Variants in IMMP2L observed in about 807,000 individuals in gnomAD.
The protein encoded by IMMP2L is inner mitochondrial membrane peptidase subunit 2, also known as mitochondrial inner membrane protease subunit 2.
In IMMP2L, 18 loss-of-function variants were observed where a neutral mutation model predicts 19.3. The observed-to-expected ratio is 0.93, with a 90% CI of 0.64 to 1.38. IMMP2L has a LOEUF of 1.38. Among genes scored for constraint, IMMP2L ranks in the 40% most tolerant of loss-of-function variants. The pLI, the probability that IMMP2L is intolerant of heterozygous loss-of-function variation, is 0.00. For missense variants in IMMP2L, 233 were observed against 218.2 expected (o/e 1.07, Z -0.43); for synonymous variants, 76 against 73.0 (o/e 1.04, Z -0.21).
At chr7:111,263,607 T>C (rs1817545189) in intron 3 of IMMP2L, among the ~76,000 whole-genome samples, 1 of 152,022 alleles carries the variant, frequency 6.6e-6, no homozygotes, top group African/African-American at 2.4e-5. Flanking sequence ...GACAGATAAA[T>C]TTGGGAGTCA....
chr7:111,258,542 T>A (rs1192229917), intron 3 of IMMP2L, among the ~76,000 whole-genome samples: 1 of 152,164 alleles, frequency 6.6e-6, no homozygotes, highest in Non-Finnish European at 1.5e-5. Context: ...AATCTTGCTC[T>A]GTCGCCCAGG....
At chr7:111,460,320 TG>T (rs538412144) in intron 3 of IMMP2L, among the ~76,000 whole-genome samples, 100 of 152,272 alleles carry the variant, frequency 6.6e-4, no homozygotes, top group African/African-American at 2.3e-3. Flanking sequence ...CAAATACAGC[TG>T]AACACATTGA....
intron 5 of IMMP2L, among the ~76,000 whole-genome samples, chr7:110,884,910 T>C (rs1391036718): frequency 1.3e-5 from 2 of 152,166 alleles, no homozygotes; most frequent in Admixed American, 6.6e-5. Flanking sequence ...CACACAATTA[T>C]ATATGCTTAT....
chr7:111,007,903 T>C (rs1037203313), intron 3 of IMMP2L, among the ~76,000 whole-genome samples: 17 of 152,230 alleles, frequency 1.1e-4, no homozygotes, highest in Non-Finnish European at 2.2e-4. Context: ...CTTCTAACTC[T>C]TCCCAAATGC....
chr7:111,361,410 C>A (rs1041235680), intron 3 of IMMP2L, among the ~76,000 whole-genome samples: 1 of 152,060 alleles, frequency 6.6e-6, no homozygotes, highest in Non-Finnish European at 1.5e-5. Flanking sequence ...TAATTATATA[C>A]ACTTACTAAT....
chr7:110,862,676 T>C (rs1169490564), intron 5 of IMMP2L, among the ~76,000 whole-genome samples: 1 of 151,956 alleles, frequency 6.6e-6, no homozygotes, highest in African/African-American at 2.4e-5. Context: ...TAAATTTACT[T>C]TTGCATTCTC....
chr7:111,007,573 C>T (rs990214628), intron 3 of IMMP2L, among the ~76,000 whole-genome samples: 2 of 152,074 alleles, frequency 1.3e-5, no homozygotes, highest in African/African-American at 4.8e-5. Flanking sequence ...AGGGCTCAGA[C>T]CTCACACTTT....
chr7:110,918,525 G>A (rs945212487), intron 4 of IMMP2L, among the ~76,000 whole-genome samples: 6 of 146,520 alleles, frequency 4.1e-5, no homozygotes, highest in South Asian at 2.1e-4. Context: ...GCGCGATCTC[G>A]GCTCACTGCA....
At chr7:110,993,660 C>T (rs1053763407) in intron 3 of IMMP2L, among the ~76,000 whole-genome samples, 13 of 152,002 alleles carry the variant, frequency 8.6e-5, no homozygotes, top group South Asian at 2.1e-4. Flanking sequence ...ATGTGCCCTC[C>T]GACAGTCTGA....
chr7:111,114,620 C>T (rs372811711), intron 3 of IMMP2L, among the ~76,000 whole-genome samples: 6 of 151,482 alleles, frequency 4.0e-5, no homozygotes, highest in African/African-American at 1.5e-4. Context: ...CCTGTAATCC[C>T]AGCCACTTGG....
At chr7:111,510,523 C>G (rs1165426375) in intron 2 of IMMP2L, among the ~76,000 whole-genome samples, 1 of 152,070 alleles carries the variant, frequency 6.6e-6, no homozygotes, top group Non-Finnish European at 1.5e-5. Context: ...CCAATTCTTC[C>G]AGCTAGCAAG....
intron 3 of IMMP2L, among the ~76,000 whole-genome samples, chr7:110,964,109 C>T (rs1480578096): frequency 6.6e-6 from 1 of 152,010 alleles, no homozygotes; most frequent in Non-Finnish European, 1.5e-5. Context: ...CCTCACTTCC[C>T]CGTATCCTTC....
chr7:111,531,197 C>T (rs1847362789), intron 1 of IMMP2L, among the ~76,000 whole-genome samples: 3 of 152,052 alleles, frequency 2.0e-5, no homozygotes, highest in East Asian at 1.9e-4. Flanking sequence ...CCTTGTGATC[C>T]GCCCGCCTCG....
chr7:110,864,975 T>C (rs1807832129), intron 5 of IMMP2L, among the ~76,000 whole-genome samples: 1 of 152,034 alleles, frequency 6.6e-6, no homozygotes, highest in Admixed American at 6.6e-5. Flanking sequence ...CATAGATATT[T>C]ATCTAAATAT....
chr7:110,793,765 C>G (rs539148056), intron 5 of IMMP2L, among the ~76,000 whole-genome samples: 1 of 152,098 alleles, frequency 6.6e-6, no homozygotes, highest in African/African-American at 2.4e-5. Context: ...AAAATAATTA[C>G]TATGTAAGGA....
chr7:111,381,671 A>C (rs1435547341), intron 3 of IMMP2L, among the ~76,000 whole-genome samples: 2 of 151,892 alleles, frequency 1.3e-5, no homozygotes, highest in African/African-American at 4.8e-5. Context: ...TTAAGAATGG[A>C]GAAGAACAAA....
At chr7:110,784,874 A>T (rs1156703741) in intron 5 of IMMP2L, among the ~76,000 whole-genome samples, 1 of 151,928 alleles carries the variant, frequency 6.6e-6, no homozygotes, top group Non-Finnish European at 1.5e-5. Context: ...ACTGTCCAGC[A>T]TGGTAGCCAC....
At chr7:110,987,222 G>T (rs1821954487) in intron 3 of IMMP2L, among the ~76,000 whole-genome samples, 1 of 152,144 alleles carries the variant, frequency 6.6e-6, no homozygotes, top group South Asian at 2.1e-4. Context: ...TTATAAAGAT[G>T]TCAAGGAAGA....
chr7:111,111,942 G>GTTTGTTT (rs1799264812), intron 3 of IMMP2L, among the ~76,000 whole-genome samples: 3 of 84,120 alleles, frequency 3.6e-5, no homozygotes, highest in Admixed American at 1.5e-4. Context: ...TATATAGTTT[G>GTTTGTTT]TTTTTTTTTT....
Sources: allele counts gnomAD v4.1 joint callset (sites outside exome capture counted in the v4.1 genomes callset), GRCh38; gene constraint gnomAD v4.1.1; transcripts MANE v1.5; gene names NCBI Gene and HGNC (gene_info 2026-07-23, HGNC 2026-07-21).